CTNNA3: variants seen among roughly 807,000 people sequenced by gnomAD.
CTNNA3 encodes the protein catenin alpha-3.
Under a neutral mutation model 95.7 loss-of-function variants are expected in CTNNA3, and 76 were observed. That is an observed-to-expected ratio of 0.79 (90% CI 0.66 to 0.96). CTNNA3 has a LOEUF of 0.96. Ranked by LOEUF, CTNNA3 falls within the 40% of genes least tolerant of loss-of-function variation. CTNNA3 has a pLI of 0.00. For missense variants in CTNNA3, 1,191 were observed against 1,089.8 expected (o/e 1.09, Z -1.31); for synonymous variants, 431 against 374.4 (o/e 1.15, Z -1.74).
intron 16 of CTNNA3, among the ~76,000 whole-genome samples, chr10:65,976,923 T>C (rs1256427202): frequency 6.6e-6 from 1 of 152,190 alleles, no homozygotes; most frequent in Non-Finnish European, 1.5e-5. Context: ...CCATAGGTTG[T>C]CTTTTAATTT....
intron 13 of CTNNA3, among the ~76,000 whole-genome samples, chr10:66,190,810 G>A (rs2086627160): frequency 6.6e-6 from 1 of 151,978 alleles, no homozygotes; most frequent in South Asian, 2.1e-4. Context: ...AAAGAATTGA[G>A]TGAATAAATC....
At chr10:67,070,794 G>T (rs1856407135) in intron 7 of CTNNA3, among the ~76,000 whole-genome samples, 1 of 151,696 alleles carries the variant, frequency 6.6e-6, no homozygotes, top group East Asian at 1.9e-4. Flanking sequence ...CCTACTCCAG[G>T]GTTACAAAGA....
intron 5 of CTNNA3, among the ~76,000 whole-genome samples, chr10:67,504,551 G>A (rs1589368277): frequency 6.6e-6 from 1 of 151,924 alleles, no homozygotes; most frequent in Admixed American, 6.6e-5. Context: ...ACTAGGCCAG[G>A]TGTTTGGAGT....
chr10:66,572,546 T>G (rs933299105), intron 10 of CTNNA3, among the ~76,000 whole-genome samples: 1 of 151,288 alleles, frequency 6.6e-6, no homozygotes, highest in Non-Finnish European at 1.5e-5. Flanking sequence ...GTGTGGCTAA[T>G]TGCATTTAGG....
chr10:66,953,769 G>C (rs1406963582), intron 7 of CTNNA3, among the ~76,000 whole-genome samples: 1 of 152,040 alleles, frequency 6.6e-6, no homozygotes, highest in Non-Finnish European at 1.5e-5. Flanking sequence ...GATAATATTA[G>C]ATGATATAAG....
chr10:67,110,135 A>C (rs1426264549), intron 7 of CTNNA3, among the ~76,000 whole-genome samples: 1 of 152,204 alleles, frequency 6.6e-6, no homozygotes, highest in Non-Finnish European at 1.5e-5. Context: ...ATGTGGTAGT[A>C]AATGAGCCTG....
chr10:67,540,769 G>A (rs1840661059), intron 3 of CTNNA3, among the ~76,000 whole-genome samples: 1 of 151,858 alleles, frequency 6.6e-6, no homozygotes, highest in South Asian at 2.1e-4. Context: ...TCCTACTAGA[G>A]AGATTTTCTG....
intron 13 of CTNNA3, among the ~76,000 whole-genome samples, chr10:66,107,281 G>A (rs774447750): frequency 3.3e-5 from 5 of 151,944 alleles, no homozygotes; most frequent in African/African-American, 1.2e-4. Context: ...GGCTTATTAT[G>A]GTGTCTTCCT....
intron 5 of CTNNA3, among the ~76,000 whole-genome samples, chr10:67,221,210 T>C (rs1034360793): frequency 2.6e-5 from 4 of 152,146 alleles, no homozygotes; most frequent in Non-Finnish European, 4.4e-5. Flanking sequence ...AGATACAGCA[T>C]TAACAATGGA....
At chr10:66,869,535 T>C (rs2132435532) in intron 7 of CTNNA3, among the ~76,000 whole-genome samples, 1 of 152,220 alleles carries the variant, frequency 6.6e-6, no homozygotes, top group African/African-American at 2.4e-5. Context: ...ATCATGCCAC[T>C]GCACTGCAGC....
chr10:67,269,565 A>T (rs927661325), intron 5 of CTNNA3, among the ~76,000 whole-genome samples: 11 of 152,150 alleles, frequency 7.2e-5, no homozygotes, highest in Non-Finnish European at 1.3e-4. Context: ...GTCCATCTAA[A>T]GGAGGAATAG....
At chr10:66,167,355 T>C (rs2131822025) in intron 13 of CTNNA3, among the ~76,000 whole-genome samples, 1 of 152,264 alleles carries the variant, frequency 6.6e-6, no homozygotes, top group Non-Finnish European at 1.5e-5. Flanking sequence ...AACTAAATAG[T>C]TTACAAATGT....
At chr10:66,374,861 C>T (rs540491527) in intron 12 of CTNNA3, among the ~76,000 whole-genome samples, 5 of 151,988 alleles carry the variant, frequency 3.3e-5, no homozygotes, top group Non-Finnish European at 5.9e-5. Flanking sequence ...ATGATCCTCC[C>T]GCCTTGGCCT....
intron 16 of CTNNA3, among the ~76,000 whole-genome samples, chr10:65,971,665 G>C (rs2078105750): frequency 6.6e-6 from 1 of 151,764 alleles, no homozygotes; most frequent in Non-Finnish European, 1.5e-5. Context: ...TTCCTAAATT[G>C]AATCAGTAAT....
At chr10:66,193,053 A>C (rs2131889957) in intron 13 of CTNNA3, among the ~76,000 whole-genome samples, 1 of 152,294 alleles carries the variant, frequency 6.6e-6, no homozygotes, top group Non-Finnish European at 1.5e-5. Context: ...AGAAAAAACA[A>C]AGTTGTGAGT....
At chr10:66,815,254 A>G (rs1842031206) in intron 7 of CTNNA3, among the ~76,000 whole-genome samples, 1 of 152,122 alleles carries the variant, frequency 6.6e-6, no homozygotes, top group Non-Finnish European at 1.5e-5. Flanking sequence ...TGTGTTCTAG[A>G]AAAACGGTTG....
chr10:66,877,118 C>T (rs1398727001), intron 7 of CTNNA3, among the ~76,000 whole-genome samples: 1 of 152,108 alleles, frequency 6.6e-6, no homozygotes, highest in African/African-American at 2.4e-5. Flanking sequence ...CTCACTCCTA[C>T]TTCATGGTTG....
intron 5 of CTNNA3, among the ~76,000 whole-genome samples, chr10:67,430,184 T>C (rs1783913982): frequency 6.6e-6 from 1 of 152,028 alleles, no homozygotes. Flanking sequence ...AAATACAATG[T>C]TCTTTATCTG....
intron 10 of CTNNA3, among the ~76,000 whole-genome samples, chr10:66,571,860 C>T (rs1053853630): frequency 7.9e-5 from 12 of 151,976 alleles, no homozygotes; most frequent in African/African-American, 2.7e-4. Context: ...ATGAAGCCGC[C>T]GAGGCACAAT....
Sources: allele counts gnomAD v4.1 joint callset (sites outside exome capture counted in the v4.1 genomes callset), GRCh38; gene constraint gnomAD v4.1.1; transcripts MANE v1.5; gene names NCBI Gene and HGNC (gene_info 2026-07-23, HGNC 2026-07-21).